ZNF141: variants seen among roughly 807,000 people sequenced by gnomAD.
ZNF141 encodes the protein zinc finger protein 141, also known as zinc finger protein 141 (clone pHZ-44).
Under a neutral mutation model 11.3 loss-of-function variants are expected in ZNF141, and 7 were observed. The ratio of observed to expected loss-of-function variants is 0.62; its 90% CI spans 0.35 to 1.16. The LOEUF is 1.16. Ranked by LOEUF, ZNF141 falls within the 50% of genes most tolerant of loss-of-function variation. The probability of loss-of-function intolerance (pLI) is 0.02; values close to 1 mark genes in which losing one functional copy is unlikely to be tolerated. For missense variants in ZNF141, 535 were observed against 554.0 expected, an observed-to-expected ratio of 0.97 and a Z score of 0.34; for synonymous variants, 183 against 190.7, an observed-to-expected ratio of 0.96 and a Z score of 0.33.
At chr4:357,811 A>G (rs1553851420) in intron 3 of ZNF141, among the ~76,000 whole-genome samples, 5 of 151,330 alleles carry the variant, frequency 3.3e-5, no homozygotes, top group East Asian at 2.0e-4. Flanking sequence ...GATTCAAGCA[A>G]TTCTCTACCT....
intron 3 of ZNF141, among the ~76,000 whole-genome samples, chr4:356,453 G>A (rs1232036245): frequency 6.6e-6 from 1 of 151,606 alleles, no homozygotes; most frequent in Non-Finnish European, 1.5e-5. Flanking sequence ...AGCCTCCCCA[G>A]TAGCTTGGAC....
intron 1 of ZNF141, among the ~76,000 whole-genome samples, chr4:340,673 C>T (rs1429344510): frequency 6.6e-6 from 1 of 152,138 alleles, no homozygotes; most frequent in South Asian, 2.1e-4. Flanking sequence ...ATTACGAGAC[C>T]AAGTGATGTG....
rs1314416875 is a variant in ZNF141 at position 379,502 on chromosome 4, T to C, written c.*5640T>C. On this transcript the variant is annotated 3_prime_UTR_variant, in exon 4 of 4. Transcript: ENST00000240499. ...CGATTCTCCTGCCTCAGCCTCCTTA[T>C]TAGCTGGCATTACAGGTGTGCACCA... 2.0e-5 allele frequency among the ~76,000 whole-genome samples: 3 copies of C among 152,122 alleles called. No homozygotes were observed. Among genetic ancestry groups the C allele is most frequent in the Non-Finnish European group, 4.4e-5 (3 of 68,020 alleles).
intron 3 of ZNF141, among the ~76,000 whole-genome samples, chr4:353,622 G>A (rs61792150): frequency 2.3e-4 from 35 of 151,880 alleles, no homozygotes; most frequent in African/African-American, 8.4e-4. Flanking sequence ...CACCATGCCT[G>A]GCTAATTTTT....
intron 3 of ZNF141, among the ~76,000 whole-genome samples, chr4:370,844 C>A (rs1553853452): frequency 1.3e-5 from 2 of 151,956 alleles, no homozygotes; most frequent in Non-Finnish European, 2.9e-5. Flanking sequence ...CATTCTCCTG[C>A]CTCAGCCTCC....
intron 1 of ZNF141, among the ~76,000 whole-genome samples, chr4:343,306 T>C (rs1581581157): frequency 6.6e-6 from 1 of 152,188 alleles, no homozygotes; most frequent in East Asian, 1.9e-4. Flanking sequence ...CCATCCTTTT[T>C]CTGCAGAGCT....
rs11737581 is a variant in ZNF141 at position 382,198 on chromosome 4, A to G, written c.*8336A>G. ...CCTGACCTCGTGATCCGCCTGCCTCAGCCTACCAAAGTGCTGGGATTACAG... is the reference window on the plus strand; with the variant it reads ...CCTGACCTCGTGATCCGCCTGCCTCGGCCTACCAAAGTGCTGGGATTACAG... On this transcript the variant is annotated 3_prime_UTR_variant, in exon 4 of 4. Transcript: ENST00000240499. 0.43 allele frequency among the ~76,000 whole-genome samples: 64,689 copies of G among 151,608 alleles called. 14,326 individuals are homozygous for G. The highest frequency in any genetic ancestry group is 0.55 in the African/African-American group (22,595 of 41,258).
At position 372,903 on chromosome 4, in the gene ZNF141, A is replaced by G. The variant is rs1712143470; in HGVS notation, c.466A>G (p.Lys156Glu). The G allele has an allele frequency of 6.2e-7, 1 of 1,613,614 alleles. No individual in the cohort carries two copies. Among genetic ancestry groups the G allele is most frequent in the Non-Finnish European group, 8.5e-7 (1 of 1,179,764 alleles). ...TAAAGCAAGTGTCAAAGTTGTTAGT[A>G]AATTTTCAAATTCAAACAAACGTAA... ...QCKASVKVVS[K>E]FSNSNKRKTR... The change falls in exon 4 of 4, where the codon AAA becomes GAA. Residue 156 changes from lysine (K) to glutamate (E), a missense_variant. Physicochemically the swap from Lys to Glu is moderately conservative, Grantham distance 56. Transcript: ENST00000240499.
At chr4:363,689 C>T (rs1284392134) in intron 3 of ZNF141, among the ~76,000 whole-genome samples, 9 of 149,792 alleles carry the variant, frequency 6.0e-5, no homozygotes, top group Non-Finnish European at 8.9e-5. Flanking sequence ...ACCCGGGAGG[C>T]GGAGCTTGCA....
At chr4:354,763 T>G (rs969233288) in intron 3 of ZNF141, among the ~76,000 whole-genome samples, 1 of 152,132 alleles carries the variant, frequency 6.6e-6, no homozygotes, top group Non-Finnish European at 1.5e-5. Flanking sequence ...CTCAAATACT[T>G]TATGATTTCC....
In ZNF141 at chr4:377,242, A is replaced by G. The variant is rs927076131; in HGVS notation, c.*3380A>G. ...GTCAGTCATGGGGATGTTTTGATCT[A>G]TTATTGTAGTGAACAAACAAAGTTC... On this transcript the variant is annotated 3_prime_UTR_variant, in exon 4 of 4. Transcript: ENST00000240499. Among the ~76,000 whole-genome samples the G allele has an allele frequency of 6.6e-6, 1 of 152,084 alleles. No individual in the cohort carries two copies. The highest frequency in any genetic ancestry group is 1.5e-5 in the Non-Finnish European group (1 of 67,952).
At chr4:359,008 A>G (rs561226399) in intron 3 of ZNF141, among the ~76,000 whole-genome samples, 12 of 152,236 alleles carry the variant, frequency 7.9e-5, no homozygotes, top group African/African-American at 2.4e-4. Flanking sequence ...ATCCTTCATA[A>G]TCTGTGAAGC....
Position 373,019 on chromosome 4 carries a change from T to C in ZNF141, c.582T>C (p.Ala194=), listed in dbSNP as rs1553853834. 6.2e-7 allele frequency: 1 copy of C among 1,614,124 alleles called. No homozygotes were observed. Among genetic ancestry groups the C allele is most frequent in the South Asian group, 1.1e-5 (1 of 91,086 alleles). Residue 194 remains alanine, a synonymous_variant, in exon 4 of 4, where the codon GCT becomes GCC. Transcript: ENST00000240499. ...SHLTQHKVIH[A]GEKPYTCEEC... is the part of the protein sequence containing the mutation. Reference sequence around the variant, plus strand: ...TAACTCAACATAAGGTAATTCATGCTGGAGAGAAACCCTACACTTGTGAAG... The same window carrying C: ...TAACTCAACATAAGGTAATTCATGCCGGAGAGAAACCCTACACTTGTGAAG...
Position 381,917 on chromosome 4 carries a change from G to A in ZNF141, c.*8055G>A, listed in dbSNP as rs1169333133. 2.0e-5 allele frequency among the ~76,000 whole-genome samples: 3 copies of A among 148,124 alleles called. No individual in the cohort carries two copies. The highest frequency in any genetic ancestry group is 1.5e-5 in the Non-Finnish European group (1 of 67,464). On this transcript the variant is annotated 3_prime_UTR_variant, in exon 4 of 4. Transcript: ENST00000240499. ...TCAGAGAAACAGGAGGGCTGACCAA[G>A]CAGCTAGGGCCACCACCATCTCTGG...
intron 3 of ZNF141, among the ~76,000 whole-genome samples, chr4:370,589 T>C (rs573403521): frequency 6.6e-6 from 1 of 152,326 alleles, no homozygotes; most frequent in African/African-American, 2.4e-5. Context: ...ACTTGTTATC[T>C]TATAAGAGCA....
intron 3 of ZNF141, among the ~76,000 whole-genome samples, chr4:350,927 T>G (rs1252365536): frequency 6.6e-6 from 1 of 151,574 alleles, no homozygotes; most frequent in Non-Finnish European, 1.5e-5. Flanking sequence ...TTTTTTTTTT[T>G]TTTAGTAGAG....
At position 373,529 on chromosome 4, in the gene ZNF141, G is replaced by C. The variant is rs1553854038; in HGVS notation, c.1092G>C (p.Glu364Asp). The change falls in exon 4 of 4, where the codon GAG (glutamate) becomes GAC (aspartate). Residue 364 changes from glutamate (E) to aspartate (D), a missense_variant. Transcript: ENST00000240499. ...AACATAAGAAAGTTCATACTGGAGA[G>C]CGGCCCTACAAATGTGATGAATGTG... ...LNEHKKVHTG[E>D]RPYKCDECGK... 1 of 1,613,686 alleles carries C rather than the reference G, an allele frequency of 6.2e-7. No homozygotes were observed. Among genetic ancestry groups the C allele is most frequent in the Non-Finnish European group, 8.5e-7 (1 of 1,179,858 alleles).
chr4:350,037 G>A (rs144266858), intron 3 of ZNF141: 5,591 of 466,698 alleles, frequency 0.012, 59 homozygotes, highest in Non-Finnish European at 0.016. Flanking sequence ...AGGATATACA[G>A]GCCTGCCTCC....
chr4:372,663 G>T lies in ZNF141; in HGVS notation c.227-1G>T. On this transcript the variant is annotated splice_acceptor_variant, in intron 3 of 3. Transcript: ENST00000240499. LOFTEE classifies it high-confidence loss of function. Reference sequence around the variant, plus strand: ...TAATTTGTAATTTTTATTTCTTTCAGCTATGTGTTCTCATTTCACCCAAGA... The same window carrying T: ...TAATTTGTAATTTTTATTTCTTTCATCTATGTGTTCTCATTTCACCCAAGA... 5 of 1,501,982 alleles carry T rather than the reference G, an allele frequency of 3.3e-6. No homozygotes were observed. Among genetic ancestry groups the T allele is most frequent in the Non-Finnish European group, 3.6e-6 (4 of 1,123,322 alleles). 93.0% of individuals were successfully genotyped at this position (1,501,982 alleles called of 1,614,324 possible).
Sources: allele counts gnomAD v4.1 joint callset (sites outside exome capture counted in the v4.1 genomes callset), GRCh38; gene constraint gnomAD v4.1.1; transcripts MANE v1.5; gene names NCBI Gene and HGNC (gene_info 2026-07-23, HGNC 2026-07-21).